The following EYS variants were observed in gnomAD, a reference collection of about 807,000 sequenced individuals.
EYS encodes the protein EGF-like photoreceptor maintenance factor.
EYS carries 250 observed loss-of-function variants against 282.1 expected under a neutral mutation model. The observed-to-expected ratio is 0.89, with a 90% CI of 0.80 to 0.98. The LOEUF (loss-of-function observed/expected upper bound fraction) is 0.98, where lower values mean the gene tolerates loss of function less well. Among genes scored for constraint, EYS ranks in the 50% least tolerant of loss-of-function variants. EYS has a pLI of 0.00. For synonymous variants in EYS, 1,355 were observed against 1,282.9 expected (o/e 1.06, Z -1.20); for missense variants, 4,016 against 3,709.0 (o/e 1.08, Z -2.15).
At position 63,762,583 on chromosome 6, in the gene EYS, G is replaced by A. The variant is rs374714909; in HGVS notation, c.7949C>T (p.Ser2650Phe). 1.1e-5 allele frequency: 17 copies of A among 1,550,336 alleles called. No individual in the cohort carries two copies. The East Asian group carries it at 2.7e-4, about 25-fold the overall frequency. The change falls in exon 41 of 43, where the codon TCT becomes TTT. Residue 2650 changes from serine to phenylalanine, a missense_variant. Coordinates refer to ENST00000503581, the MANE Select transcript of EYS (RefSeq NM_001142800.2). ...AGGGTCATGTTCAGGATCACAGGTA[G>A]AAACTGTCTCTGTGCAGAATGATCC... ...WKGSFCTETV[S>F]TCDPEHDPPH...
intron 2 of EYS, among the ~76,000 whole-genome samples, chr6:65,571,873 C>T (rs1379703634): frequency 2.0e-5 from 3 of 151,846 alleles, no homozygotes; most frequent in Non-Finnish European, 2.9e-5. Context: ...GTCAATTATG[C>T]CTAAATTTAT....
intron 26 of EYS, among the ~76,000 whole-genome samples, chr6:64,482,520 A>T (rs1445301184): frequency 2.0e-5 from 3 of 151,686 alleles, no homozygotes; most frequent in African/African-American, 7.2e-5. Context: ...CAGTTTACTC[A>T]TCAGTTTAAT....
At chr6:64,001,804 G>A (rs1245378843) in intron 33 of EYS, among the ~76,000 whole-genome samples, 2 of 152,116 alleles carry the variant, frequency 1.3e-5, no homozygotes, top group East Asian at 3.9e-4. Flanking sequence ...ATATGCATAG[G>A]ATAATACCAG....
intron 29 of EYS, among the ~76,000 whole-genome samples, chr6:64,350,959 G>T (rs1480229307): frequency 6.6e-6 from 1 of 151,362 alleles, no homozygotes; most frequent in African/African-American, 2.4e-5. Context: ...CTTGGCACTT[G>T]TCTCCTGCTG....
intron 35 of EYS, among the ~76,000 whole-genome samples, chr6:63,963,521 T>C (rs1270225234): frequency 6.6e-6 from 1 of 152,072 alleles, no homozygotes; most frequent in Non-Finnish European, 1.5e-5. Context: ...AACACGAAAA[T>C]GGCATTGCTT....
rs1469970887 is a variant in EYS at position 65,353,619 on chromosome 6, T to C, written c.1300-2A>G. 6.2e-7 allele frequency: 1 copy of C among 1,611,326 alleles called. No homozygotes were observed. The highest frequency in any genetic ancestry group is 8.5e-7 in the Non-Finnish European group (1 of 1,177,890). On this transcript the variant is annotated splice_acceptor_variant, in intron 8 of 42. Transcript: ENST00000503581. LOFTEE classifies it high-confidence loss of function. Reference sequence around the variant, plus strand: ...TGTGCACCCTGGAATGCATACATACTGCAAAAAGGAAACAAGGAAAAATGG... The same window carrying C: ...TGTGCACCCTGGAATGCATACATACCGCAAAAAGGAAACAAGGAAAAATGG...
At chr6:65,545,653 A>C (rs1163667945) in intron 2 of EYS, among the ~76,000 whole-genome samples, 1 of 152,190 alleles carries the variant, frequency 6.6e-6, no homozygotes, top group African/African-American at 2.4e-5. Flanking sequence ...AAGAAGTATC[A>C]AATCAATTTT....
intron 22 of EYS, among the ~76,000 whole-genome samples, chr6:64,637,336 C>T (rs1405284398): frequency 1.2e-5 from 1 of 86,692 alleles, no homozygotes. Flanking sequence ...AGCAAACTAT[C>T]GCAAGGACAA....
intron 4 of EYS, among the ~76,000 whole-genome samples, 158 bp downstream of exon 4, chr6:65,494,505 T>C (rs977992762): frequency 6.6e-6 from 1 of 151,830 alleles, no homozygotes; most frequent in Non-Finnish European, 1.5e-5. Flanking sequence ...ATGGTCTCGC[T>C]CTCCTGACCT....
At chr6:64,330,470 T>C (rs889310266) in intron 29 of EYS, among the ~76,000 whole-genome samples, 3 of 152,034 alleles carry the variant, frequency 2.0e-5, no homozygotes, top group Admixed American at 6.6e-5. Context: ...TTCAAAGAAA[T>C]CAAGAAGGCC....
intron 11 of EYS, among the ~76,000 whole-genome samples, chr6:65,322,377 T>C (rs1381584271): frequency 6.6e-6 from 1 of 152,188 alleles, no homozygotes; most frequent in Non-Finnish European, 1.5e-5. Context: ...TATGAGCTTG[T>C]CAGCATTGCT....
At chr6:64,599,902 A>G (rs1297023263) in intron 24 of EYS, among the ~76,000 whole-genome samples, 2 of 152,164 alleles carry the variant, frequency 1.3e-5, no homozygotes, top group African/African-American at 4.8e-5. Context: ...CTGACAGTCT[A>G]CTTAACAAAC....
chr6:63,811,817 C>A, intron 36 of EYS, among the ~76,000 whole-genome samples: 1 of 152,266 alleles, frequency 6.6e-6, no homozygotes, highest in African/African-American at 2.4e-5. Flanking sequence ...TTGCTCAGAG[C>A]AAAACTAGGC....
intron 35 of EYS, among the ~76,000 whole-genome samples, chr6:63,875,957 G>A (rs1006726282): frequency 4.6e-5 from 7 of 152,038 alleles, no homozygotes; most frequent in Non-Finnish European, 8.8e-5. Context: ...GGAGTTTTTT[G>A]TGTCTCTATC....
chr6:64,874,728 G>C (rs1213534101), intron 19 of EYS, among the ~76,000 whole-genome samples: 5 of 151,966 alleles, frequency 3.3e-5, no homozygotes, highest in Non-Finnish European at 5.9e-5. Flanking sequence ...ATATAATCAG[G>C]ATTATCCATA....
At chr6:65,505,920 C>T (rs1392332821) in intron 2 of EYS, among the ~76,000 whole-genome samples, 1 of 152,088 alleles carries the variant, frequency 6.6e-6, no homozygotes, top group African/African-American at 2.4e-5. Flanking sequence ...GCTGACTGGT[C>T]AAGCATATCT....
At chr6:64,459,442 T>A (rs1284607909) in intron 26 of EYS, among the ~76,000 whole-genome samples, 1 of 152,180 alleles carries the variant, frequency 6.6e-6, no homozygotes, top group Non-Finnish European at 1.5e-5. Flanking sequence ...TACTTATATT[T>A]GAAGGGGATT....
chr6:63,764,582 G>C (rs1214312430), intron 40 of EYS, among the ~76,000 whole-genome samples: 2 of 151,752 alleles, frequency 1.3e-5, no homozygotes, highest in African/African-American at 2.4e-5. Context: ...TATTCTCACT[G>C]CCTTATAGAC....
At chr6:64,233,930 G>T (rs897145999) in intron 30 of EYS, among the ~76,000 whole-genome samples, 6 of 152,174 alleles carry the variant, frequency 3.9e-5, no homozygotes, top group Admixed American at 1.3e-4. Context: ...CATTGCTTCA[G>T]CCTGAAGGAT....
Sources: gnomAD v4.1 joint callset for allele counts (sites outside exome capture counted in the v4.1 genomes callset) on GRCh38, gnomAD v4.1.1 for gene constraint, MANE v1.5 for transcripts, NCBI Gene and HGNC (gene_info 2026-07-23, HGNC 2026-07-21) for gene names.